Variants in RGS22 observed in about 807,000 individuals in gnomAD.
RGS22 encodes the protein regulator of G-protein signaling 22.
A neutral mutation model predicts 172.9 loss-of-function variants in RGS22; 148 were observed. The observed-to-expected ratio is 0.86, with a 90% CI of 0.75 to 0.98. The LOEUF (loss-of-function observed/expected upper bound fraction) is 0.98. Ranked by LOEUF, RGS22 falls within the 50% of genes least tolerant of loss-of-function variation. The pLI, the probability that RGS22 is intolerant of heterozygous loss-of-function variation, is 0.00. For missense variants in RGS22, 1,347 were observed against 1,440.8 expected, an observed-to-expected ratio of 0.93 and a Z score of 1.05; for synonymous variants, 458 against 480.2, an observed-to-expected ratio of 0.95 and a Z score of 0.60.
intron 19 of RGS22, 76 bp downstream of exon 19, chr8:99,999,186 G>T (rs1311987519): frequency 7.7e-7 from 1 of 1,300,060 alleles, no homozygotes; most frequent in Non-Finnish European, 1.0e-6. Flanking sequence ...ACAATGGCTG[G>T]GTCACCAGGT....
intron 11 of RGS22, among the ~76,000 whole-genome samples, chr8:100,043,528 G>A (rs1820373103): frequency 6.6e-6 from 1 of 152,142 alleles, no homozygotes. Context: ...TATAATCCCA[G>A]CACTTGGGAG....
chr8:99,991,787 G>A (rs920796966), intron 20 of RGS22, among the ~76,000 whole-genome samples: 9 of 152,104 alleles, frequency 5.9e-5, no homozygotes, highest in South Asian at 2.1e-4. Context: ...GATACTCCTC[G>A]AGAAGAGCAA....
chr8:100,014,300 T>G (rs1237744236), intron 14 of RGS22, among the ~76,000 whole-genome samples: 2 of 152,196 alleles, frequency 1.3e-5, no homozygotes, highest in African/African-American at 4.8e-5. Context: ...ATTTCCTTCT[T>G]TATGCTACAA....
At chr8:99,975,732 G>C (rs1467070333) in intron 23 of RGS22, among the ~76,000 whole-genome samples, 1 of 151,760 alleles carries the variant, frequency 6.6e-6, no homozygotes, top group Non-Finnish European at 1.5e-5. Flanking sequence ...ATTATTTGTA[G>C]AGATGAGGTC....
At chr8:100,027,769 C>T (rs556392285) in intron 14 of RGS22, among the ~76,000 whole-genome samples, 211 of 152,290 alleles carry the variant, frequency 1.4e-3, no homozygotes, top group Non-Finnish European at 2.3e-3. Flanking sequence ...AGGCATGAGC[C>T]ATCACGCCTG....
chr8:100,068,355 G>A (rs1341251375), intron 6 of RGS22, among the ~76,000 whole-genome samples: 1 of 152,068 alleles, frequency 6.6e-6, no homozygotes, highest in Non-Finnish European at 1.5e-5. Context: ...TTGCACTCTG[G>A]CCTGGGCAAC....
chr8:99,977,270 ATTTTTTTTTTTT>A (rs895569407), intron 23 of RGS22, among the ~76,000 whole-genome samples: 43 of 120,392 alleles, frequency 3.6e-4, no homozygotes, highest in Non-Finnish European at 2.9e-4. Flanking sequence ...CGCCCGGTTA[ATTTTTTTTTTTT>A]TTTTTTTTTT....
chr8:99,988,792 C>T (rs929944351), intron 20 of RGS22, among the ~76,000 whole-genome samples: 3 of 151,994 alleles, frequency 2.0e-5, no homozygotes, highest in Admixed American at 6.6e-5. Context: ...GCCATTAACC[C>T]GGATAAAGTG....
chr8:100,104,053 C>T (rs913768620), intron 2 of RGS22, among the ~76,000 whole-genome samples: 14 of 152,112 alleles, frequency 9.2e-5, no homozygotes, highest in African/African-American at 2.9e-4. Context: ...AACAGTGGCT[C>T]GGGCCTGTAA....
At chr8:100,016,473 T>C (rs1816965900) in intron 14 of RGS22, among the ~76,000 whole-genome samples, 1 of 151,964 alleles carries the variant, frequency 6.6e-6, no homozygotes, top group African/African-American at 2.4e-5. Flanking sequence ...ACCAGCATAA[T>C]CCTTAAGAAT....
intron 4 of RGS22, among the ~76,000 whole-genome samples, chr8:100,077,881 C>G (rs1284883264): frequency 6.6e-6 from 1 of 152,132 alleles, no homozygotes; most frequent in Non-Finnish European, 1.5e-5. Context: ...GCTTTTGCAT[C>G]ATGTACTCTG....
chr8:100,085,101 A>C (rs1290178847), intron 3 of RGS22, among the ~76,000 whole-genome samples: 2 of 152,158 alleles, frequency 1.3e-5, no homozygotes, highest in Non-Finnish European at 2.9e-5. Flanking sequence ...ACATATCAGT[A>C]AAAAGAAGTT....
chr8:100,048,133 A>G (rs1391167293), intron 10 of RGS22, among the ~76,000 whole-genome samples: 1 of 152,198 alleles, frequency 6.6e-6, no homozygotes, highest in Non-Finnish European at 1.5e-5. Context: ...AAAAGTTAAC[A>G]ATTTAAATCC....
rs1805805991 is a variant in RGS22, at chr8:100,051,749, T to TTATATATAAA, written c.1689+1052_1689+1053insTTTATATATA. 4.0e-5 allele frequency among the ~76,000 whole-genome samples: 3 copies of TTATATATAAA among 74,640 alleles called. 1 individual carries two copies. Among genetic ancestry groups the TTATATATAAA allele is most frequent in the African/African-American group, 2.1e-4 (3 of 14,342 alleles). 49.0% of individuals were successfully genotyped at this position (74,640 alleles called of 152,430 possible). On this transcript the variant is annotated intron_variant, in intron 10 of 27. Coordinates refer to ENST00000360863, the MANE Select transcript of RGS22 (RefSeq NM_015668.5). ...TATATACGTATATATAAATATATAT[T>TTATATATAAA]TATATATTTATATATAAATGTTTAT...
chr8:99,984,788 G>GACACAC (rs111285438), intron 21 of RGS22, among the ~76,000 whole-genome samples: 4,928 of 139,672 alleles, frequency 0.035, 124 homozygotes, highest in East Asian at 0.081. Flanking sequence ...AGTCTTTACG[G>GACACAC]ACACACACAC....
chr8:99,979,955 C>T (rs932730569), intron 22 of RGS22, among the ~76,000 whole-genome samples: 1 of 152,094 alleles, frequency 6.6e-6, no homozygotes, highest in Admixed American at 6.6e-5. Context: ...GGAGAGAAAG[C>T]AGTAAGGGCC....
At chr8:100,019,368 ATTTAT>A (rs1817356727) in intron 14 of RGS22, among the ~76,000 whole-genome samples, 1 of 152,202 alleles carries the variant, frequency 6.6e-6, no homozygotes, top group Admixed American at 6.5e-5. Context: ...GTTTTGATGT[ATTTAT>A]TTTAATGATC....
chr8:100,067,912 C>T (rs185701320), intron 6 of RGS22, among the ~76,000 whole-genome samples: 12 of 152,066 alleles, frequency 7.9e-5, no homozygotes, highest in African/African-American at 2.4e-4. Flanking sequence ...CGTGAGCCAC[C>T]GCGCCCGGCC....
intron 14 of RGS22, among the ~76,000 whole-genome samples, chr8:100,021,621 C>G (rs569916121): frequency 1.3e-5 from 2 of 152,102 alleles, no homozygotes; most frequent in African/African-American, 4.8e-5. Context: ...CACAACAGAA[C>G]AGATGTCCAC....
Sources: gnomAD v4.1 joint callset for allele counts (sites outside exome capture counted in the v4.1 genomes callset) on GRCh38, gnomAD v4.1.1 for gene constraint, MANE v1.5 for transcripts, NCBI Gene and HGNC (gene_info 2026-07-23, HGNC 2026-07-21) for gene names.